The following PPP2R2C variants were observed in gnomAD, a reference collection of about 807,000 sequenced individuals.
The protein encoded by PPP2R2C is protein phosphatase 2 regulatory subunit Bgamma.
A neutral mutation model predicts 45.3 loss-of-function variants in PPP2R2C; 10 were observed. That is an observed-to-expected ratio of 0.22 (90% CI 0.14 to 0.37). The LOEUF (loss-of-function observed/expected upper bound fraction) is 0.37. Ranked by LOEUF, PPP2R2C falls within the 10% of genes least tolerant of loss-of-function variation. PPP2R2C has a pLI of 1.00. For synonymous variants in PPP2R2C, 257 were observed against 245.4 expected (o/e 1.05, Z -0.44); for missense variants, 308 against 619.7 (o/e 0.50, Z 5.34).
At chr4:6,551,302 G>A (rs956615605) in intron 1 of PPP2R2C, among the ~76,000 whole-genome samples, 3 of 152,228 alleles carry the variant, frequency 2.0e-5, no homozygotes, top group African/African-American at 7.2e-5. Context: ...TTCCAGCACA[G>A]ACCACAGCCT....
chr4:6,441,785 G>A (rs542926596), intron 1 of PPP2R2C, among the ~76,000 whole-genome samples: 3 of 152,324 alleles, frequency 2.0e-5, no homozygotes, highest in East Asian at 1.9e-4. Context: ...CATGCAACAC[G>A]ATGGCCCCAC....
At chr4:6,365,789 G>T (rs75487264) in intron 5 of PPP2R2C, among the ~76,000 whole-genome samples, 3 of 152,204 alleles carry the variant, frequency 2.0e-5, no homozygotes, top group Admixed American at 6.5e-5. Flanking sequence ...TCTCCAGGCC[G>T]AGGCTTGGTG....
At chr4:6,359,470 T>C (rs542715087) in intron 5 of PPP2R2C, among the ~76,000 whole-genome samples, 4 of 152,302 alleles carry the variant, frequency 2.6e-5, no homozygotes, top group Non-Finnish European at 5.9e-5. Flanking sequence ...ATTGTGCACA[T>C]GTACCCTAGA....
chr4:6,394,923 C>A (rs1435229371), intron 1 of PPP2R2C, among the ~76,000 whole-genome samples: 1 of 152,230 alleles, frequency 6.6e-6, no homozygotes, highest in African/African-American at 2.4e-5. Context: ...AGGCTCTAAG[C>A]TGCTTTGTCT....
At chr4:6,418,933 GGCACCA>G (rs766428740) in intron 1 of PPP2R2C, among the ~76,000 whole-genome samples, 3 of 151,290 alleles carry the variant, frequency 2.0e-5, no homozygotes, top group Non-Finnish European at 3.0e-5. Flanking sequence ...ACAGGAGGCG[GGCACCA>G]GCCCAGTGCT....
At chr4:6,422,094 T>G (rs984614935) in intron 1 of PPP2R2C, among the ~76,000 whole-genome samples, 2 of 151,970 alleles carry the variant, frequency 1.3e-5, no homozygotes, top group African/African-American at 4.8e-5. Context: ...AGTCAAAACT[T>G]TGTTTCTCAC....
intron 1 of PPP2R2C, among the ~76,000 whole-genome samples, chr4:6,408,028 T>TA (rs1208386269): frequency 4.1e-4 from 63 of 152,256 alleles, no homozygotes; most frequent in Non-Finnish European, 1.0e-4. Context: ...ATATACAAAT[T>TA]ATTACAATTA....
In PPP2R2C at chr4:6,336,598, A is replaced by C. The variant is rs1313574200; in HGVS notation, c.791-2867T>G. ...CAAAGATGCTGTACAGAGTGAGCCC[A>C]GTGCACGATGAGTGCTGCAGCCCTA... On this transcript the variant is annotated intron_variant, in intron 6 of 8. Transcript: ENST00000382599. Among the ~76,000 whole-genome samples, 4 of 17,446 alleles carry C rather than the reference A, an allele frequency of 2.3e-4. 1 individual carries two copies. The highest frequency in any genetic ancestry group is 4.2e-4 in the East Asian group (1 of 2,364). 11.4% of individuals were successfully genotyped at this position (17,446 alleles called of 152,430 possible).
chr4:6,477,182 G>C (rs1722189711), upstream of PPP2R2C, among the ~76,000 whole-genome samples: 1 of 152,150 alleles, frequency 6.6e-6, no homozygotes, highest in Non-Finnish European at 1.5e-5. Flanking sequence ...TTGGAGACAG[G>C]GGTTGCAGTG....
intron 1 of PPP2R2C, among the ~76,000 whole-genome samples, chr4:6,406,598 CAA>C (rs11317671): frequency 3.3e-5 from 5 of 149,766 alleles, no homozygotes; most frequent in African/African-American, 9.8e-5. Flanking sequence ...AAGAAAAAGC[CAA>C]AAAAAAAATA....
At chr4:6,354,846 C>T (rs932385547) in intron 5 of PPP2R2C, among the ~76,000 whole-genome samples, 3 of 152,092 alleles carry the variant, frequency 2.0e-5, no homozygotes, top group Non-Finnish European at 2.9e-5. Context: ...GGCCCCATTG[C>T]CCCTTAGAAG....
chr4:6,427,691 T>A lies in PPP2R2C; in HGVS notation c.70+44469A>T, dbSNP rs556125422. Among the ~76,000 whole-genome samples the A allele has an allele frequency of 1.6e-4, 24 of 152,326 alleles. No individual in the cohort carries two copies. In the South Asian group the frequency reaches 5.0e-3, roughly 32 times the overall value. Reference sequence around the variant, plus strand: ...ATCAGTATGCTCGGTGATGGATCTGTTTACACATCTAACAGACACGGAGCC... The same window carrying A: ...ATCAGTATGCTCGGTGATGGATCTGATTACACATCTAACAGACACGGAGCC... On this transcript the variant is annotated intron_variant, in intron 1 of 8. Transcript: ENST00000382599.
chr4:6,433,127 G>A (rs1188316359), intron 1 of PPP2R2C, among the ~76,000 whole-genome samples: 1 of 152,110 alleles, frequency 6.6e-6, no homozygotes, highest in Non-Finnish European at 1.5e-5. Flanking sequence ...TCAAGAGGAG[G>A]CTATTAGTTA....
upstream of PPP2R2C, among the ~76,000 whole-genome samples, chr4:6,477,592 G>C (rs988567190): frequency 3.3e-5 from 5 of 152,072 alleles, no homozygotes; most frequent in African/African-American, 9.7e-5. Context: ...CGGGCATGGT[G>C]GTGGGCGCCT....
intron 1 of PPP2R2C, among the ~76,000 whole-genome samples, chr4:6,456,685 G>GC (rs1197803137): frequency 1.3e-5 from 2 of 152,186 alleles, no homozygotes; most frequent in African/African-American, 4.8e-5. Context: ...AGCTCTGGGT[G>GC]CCCCTCACGG....
chr4:6,512,426 G>T (rs184038170), intron 2 of PPP2R2C, among the ~76,000 whole-genome samples: 137 of 12,864 alleles, frequency 0.011, no homozygotes, highest in East Asian at 0.054. Flanking sequence ...GTGATGGTGG[G>T]GGTGGTGGTG....
At chr4:6,341,338 C>CAAAAAAA (rs10604483) in intron 6 of PPP2R2C, among the ~76,000 whole-genome samples, 1 of 91,296 alleles carries the variant, frequency 1.1e-5, no homozygotes, top group Non-Finnish European at 2.4e-5. Flanking sequence ...GACTCCATTT[C>CAAAAAAA]AAAAAAAAAA....
intron 1 of PPP2R2C, among the ~76,000 whole-genome samples, chr4:6,420,007 G>C (rs775203746): frequency 3.3e-5 from 5 of 152,162 alleles, no homozygotes; most frequent in African/African-American, 4.8e-5. Flanking sequence ...GTTCCAAGTG[G>C]ACATTATTCT....
intron 1 of PPP2R2C, among the ~76,000 whole-genome samples, chr4:6,445,970 A>C (rs1461924973): frequency 6.6e-6 from 1 of 152,156 alleles, no homozygotes; most frequent in Non-Finnish European, 1.5e-5. Context: ...ACTGCCCGGC[A>C]CACCCTCCAA....
Sources: allele counts gnomAD v4.1 joint callset (sites outside exome capture counted in the v4.1 genomes callset), GRCh38; gene constraint gnomAD v4.1.1; transcripts MANE v1.5; gene names NCBI Gene and HGNC (gene_info 2026-07-23, HGNC 2026-07-21).